Variants in AFF3 observed in about 807,000 individuals in gnomAD.
The protein encoded by AFF3 is AF4/FMR2 family member 3.
AFF3 carries 32 observed loss-of-function variants against 129.7 expected under a neutral mutation model. That is an observed-to-expected ratio of 0.25 (90% CI 0.19 to 0.33). The LOEUF (loss-of-function observed/expected upper bound fraction) is 0.33. Among genes scored for constraint, AFF3 ranks in the 10% least tolerant of loss-of-function variants. AFF3 has a pLI of 1.00. For synonymous variants in AFF3, 644 were observed against 635.4 expected (o/e 1.01, Z -0.20); for missense variants, 1,373 against 1,592.0 (o/e 0.86, Z 2.34).
chr2:100,052,736 G>A (rs1012842246), intron 4 of AFF3, among the ~76,000 whole-genome samples: 1 of 152,120 alleles, frequency 6.6e-6, no homozygotes, highest in African/African-American at 2.4e-5. Flanking sequence ...GTATCTGTAT[G>A]TCCAGATAGA....
rs531259885 is a variant in AFF3 at position 99,967,671 on chromosome 2, C to T, written c.873+38961G>A. The stretch of plus-strand genomic sequence containing the variant: ...AGAAAAAAGCACACCCTTGCTTATA[C>T]GGTACCACCATATCCTTAAACAGCA... On this transcript the variant is annotated intron_variant, in intron 7 of 24. Coordinates refer to ENST00000672756, the MANE Select transcript of AFF3 (RefSeq NM_001386135.1). 1.6e-4 allele frequency among the ~76,000 whole-genome samples: 25 copies of T among 152,334 alleles called. No individual in the cohort carries two copies. In the South Asian group the frequency reaches 2.9e-3, roughly 18 times the overall value.
At chr2:99,657,838 A>T (rs1685887175) in intron 12 of AFF3, among the ~76,000 whole-genome samples, 1 of 152,232 alleles carries the variant, frequency 6.6e-6, no homozygotes, top group Non-Finnish European at 1.5e-5. Flanking sequence ...TTGCACAGGC[A>T]ACATTATCTC....
At chr2:99,904,770 A>C (rs1398183259) in intron 7 of AFF3, among the ~76,000 whole-genome samples, 1 of 152,126 alleles carries the variant, frequency 6.6e-6, no homozygotes, top group Non-Finnish European at 1.5e-5. Context: ...ATCCCGAATG[A>C]GAATGGCCCG....
chr2:99,825,374 A>T (rs1039904639), intron 8 of AFF3, among the ~76,000 whole-genome samples: 3 of 152,218 alleles, frequency 2.0e-5, no homozygotes, highest in Non-Finnish European at 4.4e-5. Flanking sequence ...GTACAATAGT[A>T]ATTTGCAGCA....
chr2:99,862,477 T>C (rs1168560617), intron 7 of AFF3, among the ~76,000 whole-genome samples: 3 of 152,226 alleles, frequency 2.0e-5, no homozygotes, highest in African/African-American at 7.2e-5. Flanking sequence ...AAACCCTGGA[T>C]CACTAAAATT....
chr2:99,917,445 A>G (rs557036798), intron 7 of AFF3, among the ~76,000 whole-genome samples: 1 of 152,136 alleles, frequency 6.6e-6, no homozygotes, highest in African/African-American at 2.4e-5. Context: ...TCACACTAAC[A>G]CTTATAACAG....
At chr2:99,743,800 G>A (rs1324015118) in intron 10 of AFF3, among the ~76,000 whole-genome samples, 1 of 151,986 alleles carries the variant, frequency 6.6e-6, no homozygotes, top group African/African-American at 2.4e-5. Flanking sequence ...TGCCTTTTAA[G>A]TTTTTTTCTC....
chr2:99,975,698 G>GCAATTGTGGAC (rs1292175466), intron 7 of AFF3, among the ~76,000 whole-genome samples: 4 of 149,816 alleles, frequency 2.7e-5, no homozygotes, highest in Non-Finnish European at 4.4e-5. Flanking sequence ...GCTTTGATGA[G>GCAATTGTGGAC]CAATTGTGGA....
intron 7 of AFF3, among the ~76,000 whole-genome samples, chr2:99,962,697 A>C (rs145689418): frequency 1.4e-3 from 219 of 152,138 alleles, no homozygotes; most frequent in African/African-American, 5.0e-3. Flanking sequence ...ATATCAACAG[A>C]ATTTACTCAA....
chr2:100,022,532 T>C (rs898533594), intron 4 of AFF3, among the ~76,000 whole-genome samples: 1 of 152,142 alleles, frequency 6.6e-6, no homozygotes, highest in Admixed American at 6.5e-5. Context: ...TGTCTCAGCC[T>C]CCCAAGTAGC....
intron 7 of AFF3, among the ~76,000 whole-genome samples, chr2:99,923,510 A>G (rs1696005365): frequency 6.6e-6 from 1 of 152,238 alleles, no homozygotes; most frequent in Non-Finnish European, 1.5e-5. Flanking sequence ...TAAACTTAAG[A>G]GTAAACTTAT....
At chr2:99,574,109 A>AAAG (rs1470142057) in intron 18 of AFF3, among the ~76,000 whole-genome samples, 1 of 152,194 alleles carries the variant, frequency 6.6e-6, no homozygotes, top group Non-Finnish European at 1.5e-5. Context: ...GCTTTGCACT[A>AAAG]ATAAGATCAG....
intron 7 of AFF3, among the ~76,000 whole-genome samples, chr2:99,886,326 T>G (rs187282141): frequency 6.6e-6 from 1 of 152,312 alleles, no homozygotes; most frequent in Admixed American, 6.5e-5. Context: ...TGGGGAACCT[T>G]GTCTTTAAAT....
In AFF3 at chr2:99,550,784, CATCT is replaced by C; in HGVS notation, c.*686_*689del. On this transcript the variant is annotated 3_prime_UTR_variant, in exon 25 of 25. Coordinates refer to ENST00000672756, the MANE Select transcript of AFF3 (RefSeq NM_001386135.1). ...GGGGCTGGGAAGGGCTGTGAGTGTC[CATCT>C]GTTTGCCTGGAATGCATTTAGTTGA... The C allele has an allele frequency of 4.3e-6, 1 of 233,742 alleles. No individual in the cohort carries two copies. The highest frequency in any genetic ancestry group is 6.0e-5 in the East Asian group (1 of 16,594). 14.5% of individuals were successfully genotyped at this position (233,742 alleles called of 1,614,324 possible).
At chr2:99,892,819 C>T (rs1202939147) in intron 7 of AFF3, among the ~76,000 whole-genome samples, 1 of 152,130 alleles carries the variant, frequency 6.6e-6, no homozygotes, top group East Asian at 1.9e-4. Flanking sequence ...GGCCTCTACG[C>T]ACACCAACAT....
At chr2:99,946,262 C>T in intron 7 of AFF3, among the ~76,000 whole-genome samples, 1 of 151,516 alleles carries the variant, frequency 6.6e-6, no homozygotes, top group Non-Finnish European at 1.5e-5. Flanking sequence ...CATTTGAGGT[C>T]AGGAGTTTGA....
At chr2:100,123,402 A>G (rs1000816104) in intron 2 of AFF3, among the ~76,000 whole-genome samples, 25 of 152,236 alleles carry the variant, frequency 1.6e-4, no homozygotes, top group Admixed American at 1.4e-3. Flanking sequence ...CTGTCAAGGC[A>G]TATGAAAGTC....
In AFF3 at chr2:99,832,446, A is replaced by T. The variant is rs145878489; in HGVS notation, c.921+5031T>A. On this transcript the variant is annotated intron_variant, in intron 8 of 24. Coordinates refer to ENST00000672756, the MANE Select transcript of AFF3 (RefSeq NM_001386135.1). The stretch of plus-strand genomic sequence containing the variant: ...CTAGAAAATGAACACCTCCAGAGTC[A>T]CTGCCAAGTCCACAGATTGTAGTCA... Among the ~76,000 whole-genome samples, 271 of 152,298 alleles carry T rather than the reference A, an allele frequency of 1.8e-3. 2 individuals are homozygous for T. The highest frequency in any genetic ancestry group is 5.5e-3 in the African/African-American group (228 of 41,570).
At position 99,635,890 on chromosome 2, in the gene AFF3, C is replaced by T. The variant is rs543284361; in HGVS notation, c.1184+13736G>A. Among the ~76,000 whole-genome samples the T allele has an allele frequency of 4.3e-4, 66 of 152,250 alleles. 1 individual carries two copies. The highest frequency in any genetic ancestry group is 1.6e-3 in the African/African-American group (65 of 41,544). ...GGGCCTGGGGCAGCAAGCATGCAAC[C>T]CTGAGAGACTACGAGGTCACATACG... On this transcript the variant is annotated intron_variant, in intron 13 of 24. Transcript: ENST00000672756.
Sources: allele counts gnomAD v4.1 joint callset (sites outside exome capture counted in the v4.1 genomes callset), GRCh38; gene constraint gnomAD v4.1.1; transcripts MANE v1.5; gene names NCBI Gene and HGNC (gene_info 2026-07-23, HGNC 2026-07-21).